The following CTNND2 variants were observed in gnomAD, a reference collection of about 807,000 sequenced individuals.
CTNND2 encodes the protein catenin delta-2.
A neutral mutation model predicts 144.4 loss-of-function variants in CTNND2; 22 were observed. The ratio of observed to expected loss-of-function variants is 0.15; its 90% CI spans 0.11 to 0.22. The LOEUF is 0.22. Ranked by LOEUF, CTNND2 falls within the 10% of genes least tolerant of loss-of-function variation. The pLI, the probability that CTNND2 is intolerant of heterozygous loss-of-function variation, is 1.00. For missense variants in CTNND2, 1,353 were observed against 1,618.8 expected, an observed-to-expected ratio of 0.84 and a Z score of 2.82; for synonymous variants, 751 against 695.6, an observed-to-expected ratio of 1.08 and a Z score of -1.25.
At chr5:11,159,453 C>T (rs1373525847) in intron 12 of CTNND2, 123 bp downstream of exon 12, 1 of 759,656 alleles carries the variant, frequency 1.3e-6, no homozygotes, top group Non-Finnish European at 2.1e-6. Context: ...TCCGTTGCCA[C>T]ATCAACATTC....
intron 20 of CTNND2, among the ~76,000 whole-genome samples, chr5:10,986,119 A>G (rs1737921043): frequency 6.6e-6 from 1 of 152,264 alleles, no homozygotes; most frequent in African/African-American, 2.4e-5. Context: ...TAAGTAAGTT[A>G]GAGCAAAGCT....
chr5:11,719,183 G>A (rs1786522162), intron 2 of CTNND2, among the ~76,000 whole-genome samples: 1 of 152,204 alleles, frequency 6.6e-6, no homozygotes, highest in African/African-American at 2.4e-5. Flanking sequence ...TAAGTCTACT[G>A]ATTCCAAATG....
chr5:11,093,245 TG>T (rs1384206160), intron 15 of CTNND2, among the ~76,000 whole-genome samples: 1 of 152,234 alleles, frequency 6.6e-6, no homozygotes, highest in Non-Finnish European at 1.5e-5. Flanking sequence ...GTTCAAATCC[TG>T]GGTTTTCAGA....
intron 1 of CTNND2, among the ~76,000 whole-genome samples, chr5:11,839,258 G>A (rs938394808): frequency 4.6e-5 from 7 of 151,972 alleles, no homozygotes; most frequent in African/African-American, 1.7e-4. Flanking sequence ...ATATTCCATC[G>A]AATAGCCAAT....
At chr5:11,351,421 C>T (rs950766635) in intron 8 of CTNND2, among the ~76,000 whole-genome samples, 5 of 152,134 alleles carry the variant, frequency 3.3e-5, no homozygotes, top group South Asian at 2.1e-4. Context: ...CAGCAGCTGA[C>T]GTGATACTTC....
intron 12 of CTNND2, among the ~76,000 whole-genome samples, chr5:11,142,022 C>T (rs1357722396): frequency 6.6e-6 from 1 of 152,152 alleles, no homozygotes; most frequent in Non-Finnish European, 1.5e-5. Context: ...GCCCTTCCAC[C>T]TTCTGCCCTC....
At chr5:11,102,691 C>T (rs1752015871) in intron 14 of CTNND2, among the ~76,000 whole-genome samples, 1 of 152,152 alleles carries the variant, frequency 6.6e-6, no homozygotes, top group African/African-American at 2.4e-5. Flanking sequence ...GAAGGTAATG[C>T]TCAAAAATTT....
chr5:11,149,091 G>A (rs10036188), intron 12 of CTNND2, among the ~76,000 whole-genome samples: 60,574 of 152,050 alleles, frequency 0.4, 12,206 homozygotes, highest in Admixed American at 0.48. Context: ...GCCCCATCAG[G>A]TTCTGAGCAA....
chr5:11,588,058 G>T (rs902214475), intron 2 of CTNND2, among the ~76,000 whole-genome samples: 2 of 152,110 alleles, frequency 1.3e-5, no homozygotes, highest in African/African-American at 2.4e-5. Flanking sequence ...ATTAAGGGGT[G>T]TGTGCATCTT....
chr5:11,212,802 G>T (rs12374490), intron 10 of CTNND2, among the ~76,000 whole-genome samples: 7,656 of 152,280 alleles, frequency 0.05, 274 homozygotes, highest in Non-Finnish European at 0.075. Flanking sequence ...GGCCTGCACG[G>T]AGCCCCTCCC....
intron 2 of CTNND2, among the ~76,000 whole-genome samples, chr5:11,585,437 A>T (rs1285091561): frequency 6.6e-6 from 1 of 151,872 alleles, no homozygotes; most frequent in Non-Finnish European, 1.5e-5. Context: ...AACACACTAT[A>T]TTTATTTATA....
Position 11,902,344 on chromosome 5 carries a change from G to A in CTNND2, c.37+1473C>T, listed in dbSNP as rs189735348. On this transcript the variant is annotated intron_variant, in intron 1 of 21. Transcript: ENST00000304623. ...GCCCCTATATATCACACGTCTCGTA[G>A]CAGAAATCCCCAAAATAATGACAGG... Among the ~76,000 whole-genome samples the A allele has an allele frequency of 2.2e-4, 33 of 152,272 alleles. No individual in the cohort carries two copies. In the East Asian group the frequency reaches 5.8e-3, roughly 27 times the overall value.
At chr5:11,607,686 C>T (rs1780118419) in intron 2 of CTNND2, among the ~76,000 whole-genome samples, 1 of 152,134 alleles carries the variant, frequency 6.6e-6, no homozygotes, top group Non-Finnish European at 1.5e-5. Context: ...CAAGATATTC[C>T]TTGCATTTAT....
intron 3 of CTNND2, among the ~76,000 whole-genome samples, chr5:11,490,021 C>A (rs992178615): frequency 1.3e-5 from 2 of 152,152 alleles, no homozygotes; most frequent in African/African-American, 4.8e-5. Context: ...AGGGTAAAAT[C>A]CCTGATGTGA....
At chr5:11,392,038 C>T (rs2149809488) in intron 6 of CTNND2, among the ~76,000 whole-genome samples, 1 of 152,200 alleles carries the variant, frequency 6.6e-6, no homozygotes, top group East Asian at 1.9e-4. Flanking sequence ...GCCCAATGGT[C>T]CCAAAATTAT....
chr5:11,650,374 C>T (rs183836011), intron 2 of CTNND2, among the ~76,000 whole-genome samples: 274 of 152,236 alleles, frequency 1.8e-3, no homozygotes, highest in Non-Finnish European at 3.3e-3. Flanking sequence ...TTTCTTTATA[C>T]ATTACACAAT....
At chr5:10,990,652 A>C (rs1738575188) in intron 19 of CTNND2, among the ~76,000 whole-genome samples, 1 of 152,216 alleles carries the variant, frequency 6.6e-6, no homozygotes. Context: ...GGTGGTGTTT[A>C]TTAAACCACA....
At chr5:11,376,311 T>C (rs1757926487) in intron 7 of CTNND2, among the ~76,000 whole-genome samples, 1 of 143,710 alleles carries the variant, frequency 7.0e-6, no homozygotes, top group South Asian at 2.3e-4. Context: ...GATGAATGCC[T>C]TTGTGTGTGT....
rs531595751 is a variant in CTNND2 at position 11,668,560 on chromosome 5, C to G, written c.174+63576G>C. Among the ~76,000 whole-genome samples the G allele has an allele frequency of 1.8e-4, 27 of 149,816 alleles. 1 individual carries two copies. The highest frequency in any genetic ancestry group is 5.5e-4 in the African/African-American group (22 of 39,788). On this transcript the variant is annotated intron_variant, in intron 2 of 21. Transcript: ENST00000304623. The stretch of plus-strand genomic sequence containing the variant: ...GGGAGTTCACTCATGATTTGGCTCT[C>G]TGTTTGTCTGTTAATGGTGTATAGG...
Sources: allele counts gnomAD v4.1 joint callset (sites outside exome capture counted in the v4.1 genomes callset), GRCh38; gene constraint gnomAD v4.1.1; transcripts MANE v1.5; gene names NCBI Gene and HGNC (gene_info 2026-07-23, HGNC 2026-07-21).